IQCJ: variants seen among roughly 807,000 people sequenced by gnomAD.
The protein encoded by IQCJ is IQ motif containing J, also known as IQ domain-containing protein J.
IQCJ carries 9 observed loss-of-function variants against 11.0 expected under a neutral mutation model. The observed-to-expected ratio is 0.82, with a 90% CI of 0.49 to 1.43. The LOEUF is 1.43. Ranked by LOEUF, IQCJ falls within the 40% of genes most tolerant of loss-of-function variation. IQCJ has a pLI of 0.00. For synonymous variants in IQCJ, 55 were observed against 51.3 expected, an observed-to-expected ratio of 1.07 and a Z score of -0.31; for missense variants, 146 against 133.2, an observed-to-expected ratio of 1.10 and a Z score of -0.47.
chr3:159,112,375 G>A (rs1475807193), intron 1 of IQCJ, among the ~76,000 whole-genome samples: 1 of 152,014 alleles, frequency 6.6e-6, no homozygotes, highest in Non-Finnish European at 1.5e-5. Context: ...CCATATTTGA[G>A]TACATTCAAT....
chr3:159,145,912 T>G (rs950330871), intron 1 of IQCJ, among the ~76,000 whole-genome samples: 3 of 152,144 alleles, frequency 2.0e-5, no homozygotes, highest in African/African-American at 7.2e-5. Flanking sequence ...CCCGCATACA[T>G]CAAAATGAAG....
Position 159,245,905 on chromosome 3 carries a change from A to G in IQCJ, c.72A>G (p.Glu24=), listed in dbSNP as rs73031431. The G allele has an allele frequency of 3.3e-3, 5,034 of 1,532,552 alleles. 123 individuals are homozygous for G. The African/African-American group carries it at 0.058, about 18-fold the overall frequency. 94.9% of individuals were successfully genotyped at this position (1,532,552 alleles called of 1,614,324 possible). Residue 24 remains glutamate, a splice_region_variant and synonymous_variant, in exon 2 of 4, where the codon GAA becomes GAG. Transcript: ENST00000397832. ...TTAATGATGGAAAATATTCATTTGA[A>G]AAGTAAGTAAAAAGTATTAAGTTAA... ...EQVNDGKYSF[E]NHQLAMDAEN...
chr3:159,196,124 A>G (rs966509305), intron 1 of IQCJ, among the ~76,000 whole-genome samples: 6 of 152,202 alleles, frequency 3.9e-5, no homozygotes, highest in Non-Finnish European at 5.9e-5. Context: ...CCAAATCCAC[A>G]CAGCTAAGTA....
intron 1 of IQCJ, among the ~76,000 whole-genome samples, chr3:159,153,207 G>A (rs1008341287): frequency 6.6e-6 from 1 of 152,054 alleles, no homozygotes; most frequent in South Asian, 2.1e-4. Context: ...TAAACTTTAA[G>A]GAACAAATGA....
chr3:159,193,508 C>T (rs1163618942), intron 1 of IQCJ, among the ~76,000 whole-genome samples: 1 of 152,198 alleles, frequency 6.6e-6, no homozygotes, highest in Non-Finnish European at 1.5e-5. Context: ...ATTTCTACCT[C>T]TTCCCAACTC....
chr3:159,198,428 C>T (rs1724121049), intron 1 of IQCJ, among the ~76,000 whole-genome samples: 1 of 152,002 alleles, frequency 6.6e-6, no homozygotes, highest in African/African-American at 2.4e-5. Context: ...TGAGTGTATT[C>T]TTCATATAAG....
intron 1 of IQCJ, among the ~76,000 whole-genome samples, chr3:159,178,881 AG>A (rs1409076277): frequency 6.6e-6 from 1 of 152,158 alleles, no homozygotes; most frequent in Non-Finnish European, 1.5e-5. Flanking sequence ...TCTTCTGATC[AG>A]GGCACTTACC....
At chr3:159,169,829 C>G (rs1001304277) in intron 1 of IQCJ, among the ~76,000 whole-genome samples, 10 of 152,022 alleles carry the variant, frequency 6.6e-5, no homozygotes, top group Admixed American at 4.6e-4. Context: ...AGGACTTTAC[C>G]TGCCTTTGAT....
intron 1 of IQCJ, among the ~76,000 whole-genome samples, chr3:159,075,848 G>T (rs1248059266): frequency 6.6e-6 from 1 of 152,032 alleles, no homozygotes; most frequent in African/African-American, 2.4e-5. Flanking sequence ...CCTGTTGAAG[G>T]TAACACAGTG....
chr3:159,109,509 A>AG (rs1398043827), intron 1 of IQCJ, among the ~76,000 whole-genome samples: 1 of 137,912 alleles, frequency 7.3e-6, no homozygotes, highest in Non-Finnish European at 1.5e-5. Context: ...GCTGTAGAGT[A>AG]GCCTTACTTG....
chr3:159,069,860 TG>T, intron 1 of IQCJ: 4 of 343,818 alleles, frequency 1.2e-5, no homozygotes, highest in Non-Finnish European at 2.3e-5. Flanking sequence ...TGTGTGTGTG[TG>T]TGTGTGTGTG....
intron 1 of IQCJ, among the ~76,000 whole-genome samples, chr3:159,169,542 G>A (rs1291686622): frequency 6.6e-6 from 1 of 151,772 alleles, no homozygotes; most frequent in South Asian, 2.1e-4. Flanking sequence ...CACCCGCCTC[G>A]GCCTCCCAAA....
rs1315699510 is a variant in IQCJ at position 159,188,141 on chromosome 3, T to TG, written c.10-57700dup. Among the ~76,000 whole-genome samples the TG allele has an allele frequency of 2.6e-5, 4 of 152,358 alleles. No homozygotes were observed. The South Asian group carries it at 8.3e-4, about 32-fold the overall frequency. Reference sequence around the variant, plus strand: ...AAAAAAATACTTTGGCCGGGCGCTGTGGCTCATGCCTGTAATCCCAGCACT... The same window carrying TG: ...AAAAAAATACTTTGGCCGGGCGCTGTGGGCTCATGCCTGTAATCCCAGCACT... On this transcript the variant is annotated intron_variant, in intron 1 of 3. Coordinates refer to ENST00000397832, the MANE Select transcript of IQCJ (RefSeq NM_001042706.3).
chr3:159,120,290 G>A lies in IQCJ; in HGVS notation c.9+50849G>A, dbSNP rs543300126. Among the ~76,000 whole-genome samples, 26 of 152,250 alleles carry A rather than the reference G, an allele frequency of 1.7e-4. No individual in the cohort carries two copies. The East Asian group carries it at 3.1e-3, about 18-fold the overall frequency. On this transcript the variant is annotated intron_variant, in intron 1 of 3. Coordinates refer to ENST00000397832, the MANE Select transcript of IQCJ (RefSeq NM_001042706.3). ...TAACATACTAAACATTTCTTCTTGT[G>A]TGTATCCCTATCCAGTTCCAGCTGT...
chr3:159,249,603 G>A (rs1032030899), intron 2 of IQCJ, among the ~76,000 whole-genome samples: 16 of 152,144 alleles, frequency 1.1e-4, no homozygotes, highest in African/African-American at 2.2e-4. Context: ...TCAGGACTAC[G>A]TCCTTGAATG....
At chr3:159,259,841 C>G (rs943093429) in intron 3 of IQCJ, among the ~76,000 whole-genome samples, 2 of 152,076 alleles carry the variant, frequency 1.3e-5, no homozygotes, top group African/African-American at 4.8e-5. Context: ...GTCCTCAAAA[C>G]TGTAATTATG....
chr3:159,250,912 G>A (rs1246895534), intron 2 of IQCJ, among the ~76,000 whole-genome samples: 1 of 152,186 alleles, frequency 6.6e-6, no homozygotes, highest in Non-Finnish European at 1.5e-5. Flanking sequence ...TGTTCTCCTA[G>A]ATTGTGGGAC....
chr3:159,220,546 A>G (rs1310282887), intron 1 of IQCJ, among the ~76,000 whole-genome samples: 1 of 152,064 alleles, frequency 6.6e-6, no homozygotes, highest in East Asian at 1.9e-4. Context: ...AAGAAAATAC[A>G]TTTCTATTGG....
chr3:159,137,595 G>A (rs1219131827), intron 1 of IQCJ, among the ~76,000 whole-genome samples: 1 of 152,050 alleles, frequency 6.6e-6, no homozygotes, highest in Non-Finnish European at 1.5e-5. Context: ...ATTACATTTA[G>A]CAAATAACTG....
Sources: allele counts gnomAD v4.1 joint callset (sites outside exome capture counted in the v4.1 genomes callset), GRCh38; gene constraint gnomAD v4.1.1; transcripts MANE v1.5; gene names NCBI Gene and HGNC (gene_info 2026-07-23, HGNC 2026-07-21).